The following KLRG1 variants were observed in gnomAD, a reference collection of about 807,000 sequenced individuals.
KLRG1 encodes the protein killer cell lectin-like receptor subfamily G member 1.
A neutral mutation model predicts 21.8 loss-of-function variants in KLRG1; 16 were observed. The ratio of observed to expected loss-of-function variants is 0.73; its 90% CI spans 0.50 to 1.11. The LOEUF (loss-of-function observed/expected upper bound fraction) is 1.11, where lower values mean the gene tolerates loss of function less well. Ranked by LOEUF, KLRG1 falls within the 50% of genes most tolerant of loss-of-function variation. KLRG1 has a pLI of 0.00. For synonymous variants in KLRG1, 69 were observed against 75.9 expected (o/e 0.91, Z 0.47); for missense variants, 173 against 218.3 (o/e 0.79, Z 1.31).
chr12:9,089,770 CAG>C, the KLRG1 span: 4 of 712,030 alleles, frequency 5.6e-6, no homozygotes, highest in Non-Finnish European at 7.9e-6. Flanking sequence ...CCCAACAAAA[CAG>C]AAAGTAAATC....
chr12:9,074,741 G>A, the KLRG1 span: 3 of 1,613,718 alleles, frequency 1.9e-6, no homozygotes, highest in Non-Finnish European at 1.7e-6. Flanking sequence ...ATGCCCCACT[G>A]GTGCCTTGGG....
intron 3 of KLRG1, among the ~76,000 whole-genome samples, chr12:8,995,820 C>T (rs1436920806): frequency 2.0e-5 from 3 of 151,970 alleles, no homozygotes; most frequent in East Asian, 3.9e-4. Flanking sequence ...GTAGCTGGAA[C>T]TACAGGCGTG....
chr12:9,113,911 T>C, the KLRG1 span, among the ~76,000 whole-genome samples: 1 of 152,226 alleles, frequency 6.6e-6, no homozygotes, highest in Non-Finnish European at 1.5e-5. Context: ...CTCTCAGTCA[T>C]GCGGACATTA....
At chr12:9,079,859 T>C in the KLRG1 span, 1 of 1,475,858 alleles carries the variant, frequency 6.8e-7, no homozygotes, top group South Asian at 1.5e-5. Context: ...TTGGAGATTA[T>C]CATCTATCAA....
the KLRG1 span, among the ~76,000 whole-genome samples, chr12:9,193,513 C>T: frequency 2.0e-5 from 3 of 152,122 alleles, no homozygotes; most frequent in Non-Finnish European, 4.4e-5. Flanking sequence ...GAGTGAGTGT[C>T]TATCACATAG....
the KLRG1 span, among the ~76,000 whole-genome samples, chr12:9,212,863 C>T: frequency 6.6e-6 from 1 of 152,130 alleles, no homozygotes; most frequent in Non-Finnish European, 1.5e-5. Flanking sequence ...TTAGTATGCT[C>T]ATGGTGTTAT....
At chr12:9,145,353 G>C in the KLRG1 span, among the ~76,000 whole-genome samples, 36 of 151,542 alleles carry the variant, frequency 2.4e-4, 1 homozygote, top group South Asian at 5.0e-3. Flanking sequence ...AGACTTTTTG[G>C]GGTTACCTTG....
At chr12:9,107,476 A>C in the KLRG1 span, 1 of 1,601,030 alleles carries the variant, frequency 6.2e-7, no homozygotes, top group East Asian at 2.2e-5. Context: ...ACTGCTTTTC[A>C]ACAATGCCTT....
At chr12:9,106,192 G>C in the KLRG1 span, 1 of 1,150,946 alleles carries the variant, frequency 8.7e-7, no homozygotes, top group South Asian at 1.3e-5. Flanking sequence ...GTGCTAATTA[G>C]GTAACAGTAC....
chr12:9,012,419 C>G (rs1309098807), downstream of KLRG1, among the ~76,000 whole-genome samples: 1 of 152,050 alleles, frequency 6.6e-6, no homozygotes, highest in Admixed American at 6.6e-5. Flanking sequence ...CCAGTCCAGG[C>G]AGGATTCATC....
intron 1 of KLRG1, among the ~76,000 whole-genome samples, chr12:8,974,546 C>G (rs1592248535): frequency 6.6e-6 from 1 of 151,936 alleles, no homozygotes; most frequent in Admixed American, 6.6e-5. Context: ...GGTACATTCT[C>G]TCTATACCCA....
At chr12:8,995,886 G>A (rs950390942) in intron 3 of KLRG1, among the ~76,000 whole-genome samples, 1 of 152,042 alleles carries the variant, frequency 6.6e-6, no homozygotes, top group Non-Finnish European at 1.5e-5. Flanking sequence ...ATTTCACCAT[G>A]TTAGCCAGGA....
At chr12:9,006,678 C>T (rs1947483524) in intron 3 of KLRG1, among the ~76,000 whole-genome samples, 1 of 152,148 alleles carries the variant, frequency 6.6e-6, no homozygotes, top group Admixed American at 6.5e-5. Context: ...TTCTTTCACC[C>T]ACATGACCTT....
the KLRG1 span, chr12:9,101,594 A>G: frequency 3.7e-6 from 6 of 1,614,018 alleles, no homozygotes; most frequent in Non-Finnish European, 5.1e-6. Flanking sequence ...AGAACACAAG[A>G]TAAGCAGTGT....
the KLRG1 span, chr12:9,098,520 G>C: frequency 7.1e-7 from 1 of 1,401,368 alleles, no homozygotes; most frequent in Non-Finnish European, 9.5e-7. Flanking sequence ...AATTTTAATT[G>C]ATCTTATCCT....
the KLRG1 span, among the ~76,000 whole-genome samples, chr12:9,211,159 A>G: frequency 6.6e-6 from 1 of 151,922 alleles, no homozygotes. Context: ...TAGCTTTTAC[A>G]TTTTTCTTCC....
intron 1 of KLRG1, among the ~76,000 whole-genome samples, chr12:8,954,112 C>T (rs140863531): frequency 6.6e-6 from 1 of 152,186 alleles, no homozygotes; most frequent in Non-Finnish European, 1.5e-5. Context: ...ATAAGATGTT[C>T]CGATTTTATC....
intron 1 of KLRG1, among the ~76,000 whole-genome samples, chr12:8,990,617 C>T (rs1048836509): frequency 2.0e-5 from 3 of 151,844 alleles, no homozygotes; most frequent in African/African-American, 7.3e-5. Context: ...TGAATTGTAT[C>T]TATGTTAATT....
intron 1 of KLRG1, among the ~76,000 whole-genome samples, chr12:8,973,414 T>G (rs1213326438): frequency 6.6e-6 from 1 of 152,122 alleles, no homozygotes; most frequent in Non-Finnish European, 1.5e-5. Context: ...ATAAAAAGGC[T>G]GGAGGAAACC....
Sources: gnomAD v4.1 joint callset for allele counts (sites outside exome capture counted in the v4.1 genomes callset) on GRCh38, gnomAD v4.1.1 for gene constraint, MANE v1.5 for transcripts, NCBI Gene and HGNC (gene_info 2026-07-23, HGNC 2026-07-21) for gene names.